TJP1: variants seen among roughly 807,000 people sequenced by gnomAD.
TJP1 encodes tight junction protein ZO-1.
Under a neutral mutation model 194.2 loss-of-function variants are expected in TJP1, and 43 were observed. The ratio of observed to expected loss-of-function variants is 0.22; its 90% CI spans 0.17 to 0.29. The LOEUF (loss-of-function observed/expected upper bound fraction) is 0.29, where lower values mean the gene tolerates loss of function less well. Among genes scored for constraint, TJP1 ranks in the 10% least tolerant of loss-of-function variants. TJP1 has a pLI of 1.00. For missense variants in TJP1, 1,971 were observed against 2,185.7 expected (o/e 0.90, Z 1.96); for synonymous variants, 801 against 779.0 (o/e 1.03, Z -0.47).
chr15:29,882,210 T>C (rs780457017), intron 2 of TJP1, among the ~76,000 whole-genome samples: 1 of 152,140 alleles, frequency 6.6e-6, no homozygotes, highest in Non-Finnish European at 1.5e-5. Flanking sequence ...TCAGCACACT[T>C]ACCCCACTAG....
chr15:29,762,005 C>T (rs2046038570), intron 6 of TJP1, among the ~76,000 whole-genome samples: 1 of 152,162 alleles, frequency 6.6e-6, no homozygotes, highest in African/African-American at 2.4e-5. Flanking sequence ...TTGAGGCTGT[C>T]ACTTTCTATT....
At chr15:29,747,459 C>A (rs45455493) in intron 8 of TJP1, among the ~76,000 whole-genome samples, 6,727 of 152,000 alleles carry the variant, frequency 0.044, 166 homozygotes, top group South Asian at 0.075. Context: ...ATTATCCCTG[C>A]ATTGTTTGCA....
intron 2 of TJP1, among the ~76,000 whole-genome samples, chr15:29,943,021 G>C (rs557173483): frequency 6.6e-6 from 1 of 152,306 alleles, no homozygotes; most frequent in African/African-American, 2.4e-5. Context: ...CCTGTGCTCT[G>C]ATGGAGCGCA....
intron 22 of TJP1, 118 bp downstream of exon 22, chr15:29,717,903 G>T: frequency 3.8e-6 from 3 of 789,824 alleles, no homozygotes; most frequent in Non-Finnish European, 6.0e-6. Flanking sequence ...TTTATTTAAG[G>T]ACAAACTCCT....
In TJP1 at chr15:29,701,525, T is replaced by TTA; in HGVS notation, c.*69_*70insTA. ...TCAACTCTAAAAAAGGTATAATACTTGATAGAGTGGTTCCATTTAGATTAA... is the reference window on the plus strand; with the variant it reads ...TCAACTCTAAAAAAGGTATAATACTTTAGATAGAGTGGTTCCATTTAGATTAA... On this transcript the variant is annotated 3_prime_UTR_variant, in exon 28 of 28. Coordinates refer to ENST00000614355, the MANE Select transcript of TJP1 (RefSeq NM_001330239.4). 1 of 1,291,634 alleles carries TTA rather than the reference T, an allele frequency of 7.7e-7. No individual in the cohort carries two copies. Among genetic ancestry groups the TTA allele is most frequent in the Non-Finnish European group, 1.1e-6 (1 of 897,486 alleles). The allele number at this position is 1,291,634 out of a possible 1,614,324, so 80.0% of individuals were successfully genotyped here. A position where few individuals can be genotyped will look rare whatever the true frequency, so the allele number is the denominator to read the frequency against.
chr15:29,863,298 AAAAT>A (rs3084406), intron 2 of TJP1, among the ~76,000 whole-genome samples: 62,201 of 151,010 alleles, frequency 0.41, 13,235 homozygotes, highest in East Asian at 0.5. Context: ...TTTGTCTCAA[AAAAT>A]AAATAAATAA....
intron 8 of TJP1, 80 bp downstream of exon 8, chr15:29,761,053 CTTTTAA>C (rs1018933688): frequency 2.9e-6 from 4 of 1,396,206 alleles, no homozygotes; most frequent in Non-Finnish European, 3.8e-6. Flanking sequence ...AGAAATACAT[CTTTTAA>C]TTTTATTTGT....
intron 2 of TJP1, among the ~76,000 whole-genome samples, chr15:29,837,605 T>C (rs905075786): frequency 6.6e-6 from 1 of 152,218 alleles, no homozygotes; most frequent in Non-Finnish European, 1.5e-5. Flanking sequence ...TTAAATTTTG[T>C]AGGCTTTATA....
At chr15:29,705,854 G>A in intron 25 of TJP1, 109 bp from the exon 26 acceptor site, 2 of 905,640 alleles carry the variant, frequency 2.2e-6, no homozygotes, top group Non-Finnish European at 3.4e-6. Flanking sequence ...ATATAATCAA[G>A]AAGTTACTTT....
intron 1 of TJP1, among the ~76,000 whole-genome samples, chr15:29,960,341 G>T: frequency 6.7e-6 from 1 of 148,836 alleles, no homozygotes; most frequent in East Asian, 2.0e-4. Flanking sequence ...TAGATCCACT[G>T]CCCTCCCTAC....
chr15:29,894,441 A>G (rs2053412906), intron 2 of TJP1, among the ~76,000 whole-genome samples: 1 of 152,242 alleles, frequency 6.6e-6, no homozygotes, highest in Non-Finnish European at 1.5e-5. Context: ...CCTGGGTGAC[A>G]GAGCAAGATT....
chr15:29,968,878 A>G (rs1392236319), exon 1 of TJP1: 3 of 369,146 alleles, frequency 8.1e-6, no homozygotes, highest in Non-Finnish European at 3.7e-6. Flanking sequence ...CACAGCTCCC[A>G]CCGCTCCCGC....
At chr15:29,801,749 C>G (rs1348609051) in intron 1 of TJP1, among the ~76,000 whole-genome samples, 3 of 152,020 alleles carry the variant, frequency 2.0e-5, no homozygotes, top group Non-Finnish European at 4.4e-5. Flanking sequence ...GCGTGAGCCA[C>G]CGCGCCCGGC....
chr15:29,932,796 T>G (rs2054762447), intron 2 of TJP1, among the ~76,000 whole-genome samples: 1 of 152,154 alleles, frequency 6.6e-6, no homozygotes, highest in Non-Finnish European at 1.5e-5. Flanking sequence ...AAAGCCTCCA[T>G]TTTTGTTTTC....
chr15:29,713,072 T>C (rs1266091923), intron 23 of TJP1, among the ~76,000 whole-genome samples: 2 of 152,206 alleles, frequency 1.3e-5, no homozygotes, highest in Non-Finnish European at 2.9e-5. Flanking sequence ...CTCTCTCATC[T>C]AATGATGTCT....
At chr15:29,959,785 T>C (rs544093445) in intron 1 of TJP1, among the ~76,000 whole-genome samples, 13 of 152,336 alleles carry the variant, frequency 8.5e-5, no homozygotes, top group African/African-American at 3.1e-4. Flanking sequence ...AAAAATTAAT[T>C]TTCTTCTTTC....
At chr15:29,739,601 G>A (rs986931036) in intron 10 of TJP1, among the ~76,000 whole-genome samples, 9 of 151,518 alleles carry the variant, frequency 5.9e-5, no homozygotes, top group Admixed American at 4.6e-4. Flanking sequence ...CCGCCACCAC[G>A]CCCGGCTAAT....
At chr15:29,960,553 C>G (rs1310781029) in intron 1 of TJP1, among the ~76,000 whole-genome samples, 2 of 150,460 alleles carry the variant, frequency 1.3e-5, no homozygotes, top group Non-Finnish European at 2.9e-5. Context: ...GGAAGATCAC[C>G]TAAGGCCAGG....
Position 29,704,268 on chromosome 15 carries a change from G to A in TJP1, c.5106C>T (p.Pro1702=), listed in dbSNP as rs377130760. ...TLLSPLVMCG[P]HGLKFLKPVE... Reference sequence around the variant, plus strand: ...CAGGCTTCAGGAACTTGAGGCCATGGGGACCACACATCACCAAAGGACTCA... The same window carrying A: ...CAGGCTTCAGGAACTTGAGGCCATGAGGACCACACATCACCAAAGGACTCA... The change falls in exon 27 of 28, where the codon CCC becomes CCT. Residue 1702 remains proline, a synonymous_variant. Coordinates refer to ENST00000614355, the MANE Select transcript of TJP1 (RefSeq NM_001330239.4). 103 of 1,598,932 alleles carry A rather than the reference G, an allele frequency of 6.4e-5. 3 individuals are homozygous for A. Among genetic ancestry groups the A allele is most frequent in the East Asian group, 4.5e-4 (20 of 44,544 alleles).
Sources: gnomAD v4.1 joint callset for allele counts (sites outside exome capture counted in the v4.1 genomes callset) on GRCh38, gnomAD v4.1.1 for gene constraint, MANE v1.5 for transcripts, NCBI Gene and HGNC (gene_info 2026-07-23, HGNC 2026-07-21) for gene names.